Variants in CORO2A observed in about 807,000 individuals in gnomAD.
CORO2A encodes the protein coronin 2A.
In CORO2A, 47 loss-of-function variants were observed where a neutral mutation model predicts 62.4. That is an observed-to-expected ratio of 0.75 (90% confidence interval 0.60 to 0.96). The LOEUF (loss-of-function observed/expected upper bound fraction) is 0.96. Ranked by LOEUF, CORO2A falls within the 40% of genes least tolerant of loss-of-function variation. CORO2A has a pLI of 0.00. For synonymous variants in CORO2A, 273 were observed against 268.9 expected (o/e 1.02, Z -0.15); for missense variants, 610 against 684.1 (o/e 0.89, Z 1.21).
chr9:98,177,608 A>G (rs796433393), intron 1 of CORO2A, among the ~76,000 whole-genome samples: 5 of 151,992 alleles, frequency 3.3e-5, no homozygotes, highest in African/African-American at 1.2e-4. Flanking sequence ...CTGGGATTAC[A>G]GGCATGTGCC....
intron 2 of CORO2A, among the ~76,000 whole-genome samples, chr9:98,148,374 G>A (rs149697121): frequency 0.016 from 2,185 of 132,654 alleles, 21 homozygotes; most frequent in Non-Finnish European, 0.023. Flanking sequence ...CAGCCTGGGC[G>A]ACAGAGCGAG....
intron 1 of CORO2A, among the ~76,000 whole-genome samples, chr9:98,159,939 G>A (rs1827861332): frequency 1.3e-5 from 2 of 152,174 alleles, no homozygotes; most frequent in South Asian, 2.1e-4. Context: ...AGCCCACACG[G>A]CTGACCCATG....
Position 98,123,951 on chromosome 9 carries a change from T to C in CORO2A, c.*823A>G, listed in dbSNP as rs1317857209. 6.6e-6 allele frequency: 1 copy of C among 150,828 alleles called. No individual in the cohort carries two copies. Among genetic ancestry groups the C allele is most frequent in the Non-Finnish European group, 1.5e-5 (1 of 67,748 alleles). The allele number at this position is 150,828 out of a possible 1,614,324, so 9.3% of individuals were successfully genotyped here. A position where few individuals can be genotyped will look rare whatever the true frequency, so the allele number is the denominator to read the frequency against. Reference sequence around the variant, plus strand: ...ATTATAGGCGTGAACCACCACGCCCTGCCTAATTTTTGTATTTTTAGTAGA... The same window carrying C: ...ATTATAGGCGTGAACCACCACGCCCCGCCTAATTTTTGTATTTTTAGTAGA... On this transcript the variant is annotated 3_prime_UTR_variant, in exon 12 of 12. Coordinates refer to ENST00000375077, the MANE Select transcript of CORO2A (RefSeq NM_052820.4).
intron 5 of CORO2A, 36 bp downstream of exon 5, chr9:98,133,002 C>G: frequency 1.2e-6 from 2 of 1,611,234 alleles, no homozygotes; most frequent in Non-Finnish European, 1.7e-6. Flanking sequence ...CTCCTTGCTC[C>G]TCTGAGCCTG....
intron 2 of CORO2A, among the ~76,000 whole-genome samples, chr9:98,151,049 T>C (rs1387496654): frequency 6.6e-6 from 1 of 152,184 alleles, no homozygotes; most frequent in African/African-American, 2.4e-5. Context: ...CTATATACAG[T>C]TGCACCTCCA....
intron 6 of CORO2A, among the ~76,000 whole-genome samples, chr9:98,131,487 C>T (rs1007107994): frequency 6.6e-6 from 1 of 151,970 alleles, no homozygotes; most frequent in Non-Finnish European, 1.5e-5. Context: ...CACTGCACCC[C>T]GCTGATTTTT....
At chr9:98,184,781 GTCTGTC>G (rs1828219152) in intron 1 of CORO2A, among the ~76,000 whole-genome samples, 1 of 152,146 alleles carries the variant, frequency 6.6e-6, no homozygotes, top group Non-Finnish European at 1.5e-5. Flanking sequence ...AATGGCGGCT[GTCTGTC>G]TCTGTCCGAT....
chr9:98,165,064 G>GC (rs1488558861), intron 1 of CORO2A, among the ~76,000 whole-genome samples: 1 of 152,092 alleles, frequency 6.6e-6, no homozygotes, highest in Non-Finnish European at 1.5e-5. Context: ...AACCTCCTGG[G>GC]CTTGCGCAAT....
chr9:98,151,977 C>T (rs924867668), intron 2 of CORO2A, among the ~76,000 whole-genome samples: 29 of 151,756 alleles, frequency 1.9e-4, no homozygotes, highest in Admixed American at 7.2e-4. Context: ...CCACCATGCC[C>T]GGCTAATTTT....
rs34090994 is a variant in CORO2A at position 98,158,836 on chromosome 9, AACACAC to A, written c.1-1182_1-1177del. On this transcript the variant is annotated intron_variant, in intron 1 of 11. Transcript: ENST00000375077. ...ATCAAAGAGAAATTAAAAAGAAGAAAACACACACACACACACACACACACCATGTAT... is the reference window on the plus strand; with the variant it reads ...ATCAAAGAGAAATTAAAAAGAAGAAAACACACACACACACACACCATGTAT... Among the ~76,000 whole-genome samples, 27 of 149,356 alleles carry A rather than the reference AACACAC, an allele frequency of 1.8e-4. 1 individual carries two copies. In the East Asian group the frequency reaches 3.4e-3, roughly 19 times the overall value.
Position 98,124,873 on chromosome 9 carries a change from C to A in CORO2A, c.1479G>T (p.Glu493Asp). The A allele has an allele frequency of 6.3e-7, 1 of 1,582,004 alleles. No homozygotes were observed. The highest frequency in any genetic ancestry group is 8.6e-7 in the Non-Finnish European group (1 of 1,161,678). Reference protein sequence around the residue: ...LLQMFYRQQEEIRRLRELLTQ... With the variant: ...LLQMFYRQQEDIRRLRELLTQ... ...TCAACAGCTCCCGGAGCCTTCGGAT[C>A]TCCTCCTGTTGCCGGTAGAACATCT... is the stretch of plus-strand genomic sequence containing the variant. The change falls in exon 12 of 12, where the codon GAG (glutamate) becomes GAT (aspartate). Residue 493 changes from glutamate to aspartate, a missense_variant. Glu to Asp is a conservative substitution (Grantham distance 45). Transcript: ENST00000375077.
At position 98,156,634 on chromosome 9, in the gene CORO2A, T is replaced by C. The variant is rs146190971; in HGVS notation, c.201+826A>G. Among the ~76,000 whole-genome samples the C allele has an allele frequency of 7.3e-3, 1,110 of 152,112 alleles. 12 individuals are homozygous for C. The highest frequency in any genetic ancestry group is 0.01 in the Non-Finnish European group (703 of 67,952). On this transcript the variant is annotated intron_variant, in intron 2 of 11. Coordinates refer to ENST00000375077, the MANE Select transcript of CORO2A (RefSeq NM_052820.4). ...CATTGTGTTCAGGAAACCTGGTCTATGAGATTCTAATCTGCGTGATCTTTT... is the reference window on the plus strand; with the variant it reads ...CATTGTGTTCAGGAAACCTGGTCTACGAGATTCTAATCTGCGTGATCTTTT...
chr9:98,137,491 C>G, intron 3 of CORO2A, 81 bp downstream of exon 3: 3 of 1,161,670 alleles, frequency 2.6e-6, no homozygotes, highest in Non-Finnish European at 3.9e-6. Flanking sequence ...GGCACCAGAG[C>G]CAAGAACAGG....
At chr9:98,161,746 G>A (rs1401451988) in intron 1 of CORO2A, among the ~76,000 whole-genome samples, 4 of 152,140 alleles carry the variant, frequency 2.6e-5, no homozygotes, top group African/African-American at 7.2e-5. Context: ...TACCAAGGAG[G>A]TGGGATCAAC....
chr9:98,177,204 C>A (rs1317849632), intron 1 of CORO2A, among the ~76,000 whole-genome samples: 1 of 152,144 alleles, frequency 6.6e-6, no homozygotes, highest in Admixed American at 6.6e-5. Flanking sequence ...AGAGCATCAG[C>A]AGCCCCCACG....
intron 1 of CORO2A, among the ~76,000 whole-genome samples, chr9:98,165,094 G>T (rs1275609013): frequency 6.6e-6 from 1 of 151,852 alleles, no homozygotes; most frequent in Non-Finnish European, 1.5e-5. Context: ...TCAGCCTCCT[G>T]CATAGCTAAG....
chr9:98,128,889 G>C (rs963356626), intron 8 of CORO2A, among the ~76,000 whole-genome samples, 170 bp from the exon 9 acceptor site: 1 of 152,206 alleles, frequency 6.6e-6, no homozygotes, highest in African/African-American at 2.4e-5. Context: ...AAATGGAGTT[G>C]AATTAATCAG....
chr9:98,165,359 T>C (rs947554083), intron 1 of CORO2A, among the ~76,000 whole-genome samples: 3 of 152,190 alleles, frequency 2.0e-5, no homozygotes, highest in African/African-American at 7.2e-5. Context: ...GGGCCCAACA[T>C]ACCGAACCAT....
intron 2 of CORO2A, among the ~76,000 whole-genome samples, chr9:98,141,415 G>A (rs1057069347): frequency 6.7e-6 from 1 of 150,174 alleles, no homozygotes; most frequent in Admixed American, 6.7e-5. Context: ...GCAGCGGTGC[G>A]ATCCCGGATC....
Sources: gnomAD v4.1 joint callset for allele counts (sites outside exome capture counted in the v4.1 genomes callset) on GRCh38, gnomAD v4.1.1 for gene constraint, MANE v1.5 for transcripts, NCBI Gene and HGNC (gene_info 2026-07-23, HGNC 2026-07-21) for gene names.